The following LDLRAD4 variants were observed in gnomAD, a reference collection of about 807,000 sequenced individuals.
LDLRAD4 encodes the protein low density lipoprotein receptor class A domain containing 4, also known as low-density lipoprotein receptor class A domain-containing protein 4.
Under a neutral mutation model 17.0 loss-of-function variants are expected in LDLRAD4, and 5 were observed. The ratio of observed to expected loss-of-function variants is 0.29; its 90% confidence interval spans 0.15 to 0.62. The LOEUF (loss-of-function observed/expected upper bound fraction) is 0.62, where lower values mean the gene tolerates loss of function less well. Ranked by LOEUF, LDLRAD4 falls within the 20% of genes least tolerant of loss-of-function variation. The pLI, the probability that LDLRAD4 is intolerant of heterozygous loss-of-function variation, is 0.84. For missense variants in LDLRAD4, 340 were observed against 424.7 expected, an observed-to-expected ratio of 0.80 and a Z score of 1.75; for synonymous variants, 168 against 171.8, an observed-to-expected ratio of 0.98 and a Z score of 0.17.
chr18:13,482,724 G>A (rs765415672), intron 3 of LDLRAD4, among the ~76,000 whole-genome samples: 5 of 152,200 alleles, frequency 3.3e-5, no homozygotes, highest in Admixed American at 6.5e-5. Flanking sequence ...AGTTCCTATG[G>A]GCCCTGGGGG....
chr18:13,343,068 A>G (rs976018791), intron 1 of LDLRAD4, among the ~76,000 whole-genome samples: 2 of 152,010 alleles, frequency 1.3e-5, no homozygotes, highest in African/African-American at 4.8e-5. Context: ...TCCTAAATCT[A>G]TTGTTTCCTA....
intron 1 of LDLRAD4, among the ~76,000 whole-genome samples, chr18:13,347,399 T>C (rs1002850583): frequency 5.3e-5 from 8 of 152,176 alleles, no homozygotes; most frequent in African/African-American, 1.4e-4. Context: ...GAATATTGGC[T>C]CCCACTCTCT....
intron 4 of LDLRAD4, among the ~76,000 whole-genome samples, chr18:13,626,228 G>A (rs2041157149): frequency 6.6e-6 from 1 of 152,178 alleles, no homozygotes; most frequent in South Asian, 2.1e-4. Flanking sequence ...TGGTTTGTGT[G>A]ACTTCTGAGC....
chr18:13,453,601 A>G, intron 3 of LDLRAD4, among the ~76,000 whole-genome samples: 1 of 152,220 alleles, frequency 6.6e-6, no homozygotes. Context: ...ATTAGATGGA[A>G]CATTTAGCCA....
Position 13,318,268 on chromosome 18 carries a change from T to C in LDLRAD4, c.-383+40080T>C, listed in dbSNP as rs1052441703. Among the ~76,000 whole-genome samples the C allele has an allele frequency of 2.1e-5, 3 of 142,226 alleles. 1 individual carries two copies. The highest frequency in any genetic ancestry group is 7.9e-5 in the African/African-American group (3 of 37,736). The allele number at this position is 142,226 out of a possible 152,430, so 93.3% of individuals were successfully genotyped here. ...TGGAGCTTTAATTCATAGTGAAATC[T>C]TTTTTTTTTTTGAGACAGAGTCTCC... is the stretch of plus-strand genomic sequence containing the variant. On this transcript the variant is annotated intron_variant, in intron 1 of 5. Transcript: ENST00000359446.
At chr18:13,564,826 C>A (rs1454633372) in intron 3 of LDLRAD4, among the ~76,000 whole-genome samples, 1 of 152,164 alleles carries the variant, frequency 6.6e-6, no homozygotes, top group Non-Finnish European at 1.5e-5. Flanking sequence ...CCAGGTGTGC[C>A]TTGCTCTTTA....
intron 3 of LDLRAD4, among the ~76,000 whole-genome samples, chr18:13,589,360 G>A (rs1031864261): frequency 6.6e-6 from 1 of 152,208 alleles, no homozygotes; most frequent in Non-Finnish European, 1.5e-5. Flanking sequence ...GTGTACATGG[G>A]GCCCCATGGC....
At position 13,528,605 on chromosome 18, in the gene LDLRAD4, G is replaced by A. The variant is rs542783967; in HGVS notation, c.181+90221G>A. On this transcript the variant is annotated intron_variant, in intron 3 of 5. Transcript: ENST00000359446. Reference sequence around the variant, plus strand: ...TGAGATTACAGGCATGAGCCACCACGCCCAGCCCAGAGTTGAGCGCTGTTA... The same window carrying A: ...TGAGATTACAGGCATGAGCCACCACACCCAGCCCAGAGTTGAGCGCTGTTA... 1.1e-4 allele frequency among the ~76,000 whole-genome samples: 17 copies of A among 152,278 alleles called. No individual in the cohort carries two copies. The South Asian group carries it at 3.3e-3, about 30-fold the overall frequency.
At chr18:13,557,424 T>C (rs2094495247) in intron 3 of LDLRAD4, among the ~76,000 whole-genome samples, 1 of 152,218 alleles carries the variant, frequency 6.6e-6, no homozygotes, top group Admixed American at 6.5e-5. Flanking sequence ...TTTTTGAGAT[T>C]GAGTCTCGCT....
At chr18:13,472,742 A>T (rs1568212076) in intron 3 of LDLRAD4, 1 of 152,244 alleles carries the variant, frequency 6.6e-6, no homozygotes, top group Non-Finnish European at 1.5e-5. Flanking sequence ...TGGTTAATAC[A>T]CTGCAGAATG....
At chr18:13,510,948 G>C (rs1600969039) in intron 3 of LDLRAD4, among the ~76,000 whole-genome samples, 1 of 152,290 alleles carries the variant, frequency 6.6e-6, no homozygotes, top group East Asian at 1.9e-4. Context: ...GTGCTCCAGT[G>C]ATCTTTTTAT....
intron 4 of LDLRAD4, among the ~76,000 whole-genome samples, chr18:13,634,337 C>T (rs1269274339): frequency 1.3e-5 from 2 of 152,032 alleles, no homozygotes; most frequent in Non-Finnish European, 2.9e-5. Context: ...TAAAAATAAC[C>T]CAAAAAGTGT....
chr18:13,542,782 C>T (rs975525442), intron 3 of LDLRAD4: 1 of 152,378 alleles, frequency 6.6e-6, no homozygotes, highest in Non-Finnish European at 1.5e-5. Flanking sequence ...GTAGTTTGCT[C>T]CCCTTCCATG....
intron 3 of LDLRAD4, chr18:13,488,496 A>C (rs2093285446): frequency 6.6e-6 from 1 of 152,222 alleles, no homozygotes. Flanking sequence ...ATTTCTTGTA[A>C]CCAGCCAGCG....
chr18:13,546,730 C>T (rs1359340450), intron 3 of LDLRAD4, among the ~76,000 whole-genome samples: 3 of 152,138 alleles, frequency 2.0e-5, no homozygotes, highest in African/African-American at 4.8e-5. Flanking sequence ...CTGTCGGGCA[C>T]GTGGTTCCCC....
intron 3 of LDLRAD4, among the ~76,000 whole-genome samples, chr18:13,518,259 C>G (rs919542198): frequency 6.6e-6 from 1 of 152,186 alleles, no homozygotes; most frequent in African/African-American, 2.4e-5. Context: ...TCCCATCTTT[C>G]TGCTTTTACA....
intron 3 of LDLRAD4, among the ~76,000 whole-genome samples, chr18:13,620,695 C>T (rs2040542519): frequency 6.6e-6 from 1 of 152,232 alleles, no homozygotes; most frequent in South Asian, 2.1e-4. Context: ...TGGATGTTTC[C>T]TAACTCACCT....
chr18:13,260,028 C>T (rs11080639), intron 1 of LDLRAD4, among the ~76,000 whole-genome samples: 63,002 of 152,126 alleles, frequency 0.41, 15,529 homozygotes, highest in Middle Eastern at 0.56. Flanking sequence ...CAGGACCTCT[C>T]GGATTTCTTG....
At chr18:13,245,692 T>A (rs994971053) in intron 1 of LDLRAD4, among the ~76,000 whole-genome samples, 16 of 152,186 alleles carry the variant, frequency 1.1e-4, no homozygotes, top group African/African-American at 3.6e-4. Flanking sequence ...CATTTCTGCT[T>A]CAAGGGGGCA....
Sources: allele counts gnomAD v4.1 joint callset (sites outside exome capture counted in the v4.1 genomes callset), GRCh38; gene constraint gnomAD v4.1.1; transcripts MANE v1.5; gene names NCBI Gene and HGNC (gene_info 2026-07-23, HGNC 2026-07-21).